The following ROBO2 variants were observed in gnomAD, a reference collection of about 807,000 sequenced individuals.
The protein encoded by ROBO2 is roundabout homolog 2.
In ROBO2, 53 loss-of-function variants were observed where a neutral mutation model predicts 160.8. That is an observed-to-expected ratio of 0.33 (90% CI 0.26 to 0.41). ROBO2 has a LOEUF of 0.41. Ranked by LOEUF, ROBO2 falls within the 10% of genes least tolerant of loss-of-function variation. The probability of loss-of-function intolerance (pLI) is 1.00; values close to 1 mark genes in which losing one functional copy is unlikely to be tolerated. For synonymous variants in ROBO2, 664 were observed against 611.7 expected (o/e 1.09, Z -1.26); for missense variants, 1,577 against 1,722.4 (o/e 0.92, Z 1.49).
intron 2 of ROBO2, among the ~76,000 whole-genome samples, chr3:76,654,854 TAC>T (rs3065726): frequency 1.0e-4 from 15 of 143,418 alleles, no homozygotes; most frequent in South Asian, 2.3e-4. Flanking sequence ...TATATATATA[TAC>T]ACACACGTAC....
chr3:77,103,644 G>T (rs1466276954), intron 2 of ROBO2, among the ~76,000 whole-genome samples: 1 of 151,960 alleles, frequency 6.6e-6, no homozygotes. Flanking sequence ...TTTGTCTTCT[G>T]TATGAAGACT....
At position 76,783,848 on chromosome 3, in the gene ROBO2, A is replaced by G. The variant is rs1024299445; in HGVS notation, c.110-314166A>G. Among the ~76,000 whole-genome samples, 11 of 150,994 alleles carry G rather than the reference A, an allele frequency of 7.3e-5. No individual in the cohort carries two copies. The East Asian group carries it at 2.0e-3, about 27-fold the overall frequency. The stretch of plus-strand genomic sequence containing the variant: ...CTCTGCTTCTTCTGGAACTTTTATA[A>G]TGTGTACATTAGTTCACTTGATGGT... On this transcript the variant is annotated intron_variant, in intron 2 of 26. Coordinates refer to the ROBO2 transcript ENST00000487694.
At chr3:77,410,484 C>T in intron 2 of ROBO2, among the ~76,000 whole-genome samples, 1 of 150,368 alleles carries the variant, frequency 6.7e-6, no homozygotes, top group South Asian at 2.1e-4. Flanking sequence ...CCTTCTCCCT[C>T]TTCTTTCCTC....
At chr3:77,264,025 C>T (rs2058954755) in intron 2 of ROBO2, among the ~76,000 whole-genome samples, 1 of 140,616 alleles carries the variant, frequency 7.1e-6, no homozygotes, top group African/African-American at 2.5e-5. Context: ...TCACCTTCAT[C>T]ATCACATTCA....
At chr3:76,943,073 T>C (rs1320355295) in intron 2 of ROBO2, among the ~76,000 whole-genome samples, 2 of 152,216 alleles carry the variant, frequency 1.3e-5, no homozygotes, top group Admixed American at 6.5e-5. Flanking sequence ...GTCATGTGAG[T>C]ACTTCAGCTA....
At chr3:77,432,169 CAA>C in intron 2 of ROBO2, among the ~76,000 whole-genome samples, 1 of 152,020 alleles carries the variant, frequency 6.6e-6, no homozygotes, top group South Asian at 2.1e-4. Context: ...AGAATAAGGA[CAA>C]AGAGAGGATT....
intron 2 of ROBO2, among the ~76,000 whole-genome samples, chr3:76,250,599 A>G (rs1025073088): frequency 2.0e-5 from 3 of 152,040 alleles, no homozygotes; most frequent in African/African-American, 7.2e-5. Flanking sequence ...ATGGCCTTGA[A>G]CAGTTTCATA....
intron 2 of ROBO2, among the ~76,000 whole-genome samples, chr3:76,835,227 C>T (rs749606423): frequency 3.2e-4 from 48 of 151,248 alleles, no homozygotes; most frequent in Admixed American, 2.3e-3. Context: ...GAAAAATCTA[C>T]GACTTGAAAA....
intron 2 of ROBO2, among the ~76,000 whole-genome samples, chr3:77,358,915 C>T (rs969287976): frequency 6.6e-6 from 1 of 152,160 alleles, no homozygotes; most frequent in Non-Finnish European, 1.5e-5. Flanking sequence ...AAGATGAGCA[C>T]AGTCATTGTA....
intron 2 of ROBO2, among the ~76,000 whole-genome samples, chr3:77,213,454 T>G (rs1235983878): frequency 6.6e-6 from 1 of 152,184 alleles, no homozygotes; most frequent in African/African-American, 2.4e-5. Flanking sequence ...TTGCATCTAT[T>G]TGATTCTTCT....
chr3:77,083,419 T>C (rs1187164832), intron 1 of ROBO2, among the ~76,000 whole-genome samples: 1 of 152,162 alleles, frequency 6.6e-6, no homozygotes, highest in African/African-American at 2.4e-5. Context: ...GAAAACCCCA[T>C]AAAAGTTTGA....
chr3:77,242,544 G>T (rs1231398729), intron 2 of ROBO2, among the ~76,000 whole-genome samples: 1 of 152,072 alleles, frequency 6.6e-6, no homozygotes, highest in Non-Finnish European at 1.5e-5. Context: ...AATTTCCTTT[G>T]CATCCAGCTT....
At chr3:77,016,657 C>T (rs2062281646) in intron 2 of ROBO2, among the ~76,000 whole-genome samples, 1 of 152,306 alleles carries the variant, frequency 6.6e-6, no homozygotes, top group African/African-American at 2.4e-5. Context: ...CTCTCAATAG[C>T]TCTGTAATGC....
chr3:76,129,288 A>T (rs2071129746), intron 2 of ROBO2, among the ~76,000 whole-genome samples: 1 of 152,166 alleles, frequency 6.6e-6, no homozygotes, highest in African/African-American at 2.4e-5. Context: ...GAATGAGATG[A>T]CGTGCACTCT....
intron 2 of ROBO2, among the ~76,000 whole-genome samples, chr3:76,379,742 A>G (rs1448943001): frequency 6.6e-6 from 1 of 152,180 alleles, no homozygotes; most frequent in Admixed American, 6.5e-5. Context: ...ATCCTTTTCC[A>G]TAGGTGACTT....
chr3:76,008,297 A>G (rs2066087977), intron 2 of ROBO2, among the ~76,000 whole-genome samples: 1 of 151,026 alleles, frequency 6.6e-6, no homozygotes. Flanking sequence ...TCTGGCTGTT[A>G]GTAATTTCTA....
intron 2 of ROBO2, among the ~76,000 whole-genome samples, chr3:76,495,171 AT>A: frequency 6.6e-6 from 1 of 151,140 alleles, no homozygotes; most frequent in Non-Finnish European, 1.5e-5. Context: ...TATACCATTA[AT>A]TTTTACAAAT....
chr3:77,230,529 C>A (rs1219700337), intron 2 of ROBO2, among the ~76,000 whole-genome samples: 1 of 152,164 alleles, frequency 6.6e-6, no homozygotes, highest in Non-Finnish European at 1.5e-5. Flanking sequence ...ACAATTAATT[C>A]CTTTTTGTTA....
intron 2 of ROBO2, among the ~76,000 whole-genome samples, chr3:76,731,467 T>A (rs1221870611): frequency 6.6e-6 from 1 of 152,148 alleles, no homozygotes; most frequent in Non-Finnish European, 1.5e-5. Flanking sequence ...AAATTCTCAA[T>A]TCTAGGACAC....
Sources: gnomAD v4.1 joint callset for allele counts (sites outside exome capture counted in the v4.1 genomes callset) on GRCh38, gnomAD v4.1.1 for gene constraint, MANE v1.5 for transcripts, NCBI Gene and HGNC (gene_info 2026-07-23, HGNC 2026-07-21) for gene names.